The following CADM2 variants were observed in gnomAD, a reference collection of about 807,000 sequenced individuals.
The protein encoded by CADM2 is cell adhesion molecule 2.
Under a neutral mutation model 49.8 loss-of-function variants are expected in CADM2, and 12 were observed. That is an observed-to-expected ratio of 0.24 (90% CI 0.15 to 0.39). The LOEUF is 0.39. Among genes scored for constraint, CADM2 ranks in the 10% least tolerant of loss-of-function variants. The pLI is 1.00. For missense variants in CADM2, 378 were observed against 492.3 expected (o/e 0.77, Z 2.20); for synonymous variants, 214 against 175.4 (o/e 1.22, Z -1.74).
chr3:85,854,843 A>G (rs1054138776), intron 3 of CADM2, among the ~76,000 whole-genome samples: 3 of 152,164 alleles, frequency 2.0e-5, no homozygotes, highest in African/African-American at 7.2e-5. Flanking sequence ...TCTAACTCAG[A>G]TCTCCACCTG....
intron 2 of CADM2, among the ~76,000 whole-genome samples, chr3:85,752,481 C>CACACAA (rs1264055351): frequency 6.7e-6 from 1 of 148,354 alleles, no homozygotes; most frequent in African/African-American, 2.5e-5. Context: ...TGCACACACA[C>CACACAA]ACACACACAC....
intron 1 of CADM2, among the ~76,000 whole-genome samples, chr3:85,499,157 A>T (rs1432658460): frequency 1.3e-5 from 2 of 152,180 alleles, no homozygotes; most frequent in East Asian, 1.9e-4. Context: ...AACAACAATT[A>T]CAATGAAAAA....
chr3:85,945,052 G>C (rs961894183), intron 7 of CADM2, among the ~76,000 whole-genome samples: 3 of 151,940 alleles, frequency 2.0e-5, no homozygotes, highest in Non-Finnish European at 4.4e-5. Flanking sequence ...AAGAAGAAAA[G>C]TGAGAAGAAT....
intron 1 of CADM2, among the ~76,000 whole-genome samples, chr3:85,677,838 G>A (rs1401961683): frequency 6.6e-6 from 1 of 152,100 alleles, no homozygotes; most frequent in African/African-American, 2.4e-5. Flanking sequence ...AGCAACATCT[G>A]GCTAAACATA....
intron 5 of CADM2, among the ~76,000 whole-genome samples, chr3:85,911,856 G>T (rs1717635048): frequency 6.6e-6 from 1 of 152,020 alleles, no homozygotes; most frequent in Non-Finnish European, 1.5e-5. Flanking sequence ...TGAGACCAAA[G>T]AAATAAAATT....
At chr3:85,784,015 A>G (rs2070815388) in intron 2 of CADM2, among the ~76,000 whole-genome samples, 2 of 152,232 alleles carry the variant, frequency 1.3e-5, no homozygotes, top group African/African-American at 2.4e-5. Flanking sequence ...GTTACTAAAT[A>G]TAACTATTGA....
intron 1 of CADM2, among the ~76,000 whole-genome samples, chr3:85,678,878 G>A (rs757674709): frequency 6.6e-6 from 1 of 152,120 alleles, no homozygotes; most frequent in Non-Finnish European, 1.5e-5. Flanking sequence ...TCTGAGGTGG[G>A]TGGCTCCTGG....
intron 1 of CADM2, among the ~76,000 whole-genome samples, chr3:85,663,452 G>A (rs2065471400): frequency 6.6e-6 from 1 of 151,778 alleles, no homozygotes; most frequent in Admixed American, 6.6e-5. Flanking sequence ...TGGTGATTCT[G>A]CTTCCTATTT....
intron 8 of CADM2, among the ~76,000 whole-genome samples, chr3:85,999,478 C>T (rs985474471): frequency 1.3e-5 from 2 of 150,190 alleles, no homozygotes; most frequent in African/African-American, 4.9e-5. Flanking sequence ...GCACTCCAGC[C>T]TGAGTGACCA....
chr3:85,366,764 A>G (rs979827677), intron 1 of CADM2, among the ~76,000 whole-genome samples: 3 of 152,266 alleles, frequency 2.0e-5, no homozygotes, highest in African/African-American at 7.2e-5. Context: ...AATGAATGAC[A>G]TATAATTTTT....
intron 1 of CADM2, among the ~76,000 whole-genome samples, chr3:85,021,218 T>C (rs540844280): frequency 1.2e-4 from 18 of 152,024 alleles, no homozygotes; most frequent in Non-Finnish European, 2.2e-4. Flanking sequence ...TAGTCCAAAT[T>C]TTGTCGTTTT....
chr3:85,776,336 T>TACACACACACACACACACACACAC (rs141105558), intron 2 of CADM2, among the ~76,000 whole-genome samples: 1 of 146,160 alleles, frequency 6.8e-6, no homozygotes, highest in Admixed American at 6.9e-5. Context: ...CAAACTCTCT[T>TACACACACACACACACACACACAC]ACACACACAC....
chr3:85,749,070 A>G (rs2068750856), intron 2 of CADM2, among the ~76,000 whole-genome samples: 1 of 152,086 alleles, frequency 6.6e-6, no homozygotes, highest in Admixed American at 6.6e-5. Context: ...ATTCATGGGA[A>G]AAAATATGCC....
At chr3:85,116,687 C>G (rs1263248813) in intron 1 of CADM2, among the ~76,000 whole-genome samples, 2 of 151,560 alleles carry the variant, frequency 1.3e-5, no homozygotes, top group Admixed American at 6.6e-5. Flanking sequence ...TATAGGCAAC[C>G]CTACTTATCA....
chr3:85,943,432 A>C (rs923368609), intron 7 of CADM2, among the ~76,000 whole-genome samples: 1 of 146,688 alleles, frequency 6.8e-6, no homozygotes, highest in Non-Finnish European at 1.5e-5. Flanking sequence ...CTGAATGGTA[A>C]AGCCTAGGTT....
At chr3:84,967,351 T>C (rs1575936293) in intron 1 of CADM2, among the ~76,000 whole-genome samples, 1 of 152,290 alleles carries the variant, frequency 6.6e-6, no homozygotes, top group South Asian at 2.1e-4. Flanking sequence ...ATTCATATTT[T>C]ATATTAACTT....
At chr3:85,281,625 T>C (rs529997858) in intron 1 of CADM2, among the ~76,000 whole-genome samples, 2 of 152,196 alleles carry the variant, frequency 1.3e-5, no homozygotes, top group Non-Finnish European at 2.9e-5. Flanking sequence ...TGAAATATTA[T>C]AGTGTTTTGT....
At chr3:85,422,186 AT>A (rs1441135921) in intron 1 of CADM2, among the ~76,000 whole-genome samples, 1 of 152,264 alleles carries the variant, frequency 6.6e-6, no homozygotes, top group African/African-American at 2.4e-5. Context: ...ACAGTCGTTA[AT>A]ATTTTTAAAG....
intron 1 of CADM2, among the ~76,000 whole-genome samples, chr3:85,673,241 A>G (rs1158993634): frequency 2.6e-5 from 4 of 152,180 alleles, no homozygotes; most frequent in Admixed American, 6.5e-5. Flanking sequence ...ACTGTCACTT[A>G]GTCACAATTT....
Sources: gnomAD v4.1 joint callset for allele counts (sites outside exome capture counted in the v4.1 genomes callset) on GRCh38, gnomAD v4.1.1 for gene constraint, MANE v1.5 for transcripts, NCBI Gene and HGNC (gene_info 2026-07-23, HGNC 2026-07-21) for gene names.